Variants in TUBGCP2 observed in about 807,000 individuals in gnomAD.
TUBGCP2 encodes gamma-tubulin complex component 2.
In TUBGCP2, 55 loss-of-function variants were observed where a neutral mutation model predicts 92.2. The observed-to-expected ratio is 0.60, with a 90% CI of 0.48 to 0.75. The LOEUF (loss-of-function observed/expected upper bound fraction) is 0.75. Ranked by LOEUF, TUBGCP2 falls within the 30% of genes least tolerant of loss-of-function variation. The pLI, the probability that TUBGCP2 is intolerant of heterozygous loss-of-function variation, is 0.00. For synonymous variants in TUBGCP2, 533 were observed against 505.2 expected, an observed-to-expected ratio of 1.06 and a Z score of -0.74; for missense variants, 1,093 against 1,188.9, an observed-to-expected ratio of 0.92 and a Z score of 1.19.
chr10:133,312,165 A>G, upstream of TUBGCP2: 2 of 1,419,332 alleles, frequency 1.4e-6, no homozygotes, highest in Non-Finnish European at 1.8e-6. Flanking sequence ...TAATAGCATC[A>G]CCTGTGCCGT....
In TUBGCP2 at chr10:133,288,939, TCTTTTAA is replaced by T; in HGVS notation, c.1435_1441del (p.Leu479SerfsTer23). The T allele has an allele frequency of 1.9e-6, 3 of 1,614,224 alleles. No individual in the cohort carries two copies. Among genetic ancestry groups the T allele is most frequent in the Non-Finnish European group, 2.5e-6 (3 of 1,180,026 alleles). The stretch of plus-strand genomic sequence containing the variant: ...CTCGATCTGCTCCACATACGCCCGC[TCTTTTAA>T]CGTGTAGATGATCTCTTTAGCCACC... On this transcript the variant is annotated frameshift_variant, in exon 10 of 18. Transcript: ENST00000252936. LOFTEE classifies it high-confidence loss of function.
intron 6 of TUBGCP2, 83 bp from the exon 7 acceptor site, chr10:133,293,321 C>A: frequency 6.6e-7 from 1 of 1,512,732 alleles, no homozygotes. Context: ...TCATCCCAAA[C>A]AGGAAGCAAA....
In TUBGCP2 at chr10:133,279,336, G is replaced by C. The variant is rs573984018; in HGVS notation, c.*430C>G. On this transcript the variant is annotated 3_prime_UTR_variant, in exon 18 of 18. Transcript: ENST00000252936. ...AAGCAAACCCGACACCCGATGCCCG[G>C]TGGGTTTCCACAACTCCCTGACCGT... 77 of 170,008 alleles carry C rather than the reference G, an allele frequency of 4.5e-4. 1 individual carries two copies. The South Asian group carries it at 5.4e-3, about 12-fold the overall frequency. 10.5% of individuals were successfully genotyped at this position (170,008 alleles called of 1,614,324 possible).
At chr10:133,308,646 C>T (rs1054277413) in intron 1 of TUBGCP2, 177 bp downstream of exon 1, 3 of 211,082 alleles carry the variant, frequency 1.4e-5, no homozygotes, top group African/African-American at 6.9e-5. Context: ...AGACGCTGGC[C>T]TGGCCGGTGC....
intron 1 of TUBGCP2, among the ~76,000 whole-genome samples, chr10:133,307,359 C>G (rs966306365): frequency 2.0e-5 from 3 of 152,246 alleles, no homozygotes; most frequent in Admixed American, 6.5e-5. Flanking sequence ...GCACACACTC[C>G]TAGTGAGCAC....
chr10:133,309,521 G>T, upstream of TUBGCP2: 1 of 1,550,940 alleles, frequency 6.4e-7, no homozygotes, highest in Non-Finnish European at 8.8e-7. Context: ...CCTGACCGGT[G>T]CCTGGTCCCT....
At chr10:133,283,689 CATT>C (rs1355456548) in intron 14 of TUBGCP2, among the ~76,000 whole-genome samples, 190 bp downstream of exon 14, 16 of 6,430 alleles carry the variant, frequency 2.5e-3, no homozygotes, top group Admixed American at 0.012. Context: ...GCCTCTCCCG[CATT>C]CCCTGCCTCT....
At chr10:133,309,191 A>G (rs554030543), upstream of TUBGCP2, 3 of 1,357,286 alleles carry the variant, frequency 2.2e-6, no homozygotes, top group Admixed American at 3.2e-5. Flanking sequence ...GGGGCCTACG[A>G]CTGCGGGGCG....
In TUBGCP2 at chr10:133,283,228, G is replaced by A. The variant is rs752657891; in HGVS notation, c.2146-7C>T. The A allele has an allele frequency of 7.4e-6, 12 of 1,614,172 alleles. No homozygotes were observed. Among genetic ancestry groups the A allele is most frequent in the East Asian group, 2.2e-5 (1 of 44,884 alleles). On this transcript the variant is annotated splice_region_variant and splice_polypyrimidine_tract_variant and intron_variant, in intron 14 of 17. Transcript: ENST00000252936. The stretch of plus-strand genomic sequence containing the variant: ...CGTCGTCAATGTTGGAGGCCTGCGG[G>A]GAACAGGCCAAGCCCCTTCTCAGAA...
At chr10:133,304,697 G>C (rs564558042) in intron 1 of TUBGCP2, among the ~76,000 whole-genome samples, 68 of 152,316 alleles carry the variant, frequency 4.5e-4, no homozygotes, top group African/African-American at 1.5e-3. Context: ...CTAGATCATA[G>C]ATATGATTAT....
Position 133,279,598 on chromosome 10 carries a change from A to G in TUBGCP2, c.*168T>C. 3 of 1,107,210 alleles carry G rather than the reference A, an allele frequency of 2.7e-6. No homozygotes were observed. The highest frequency in any genetic ancestry group is 3.6e-6 in the Non-Finnish European group (3 of 827,374). The allele number at this position is 1,107,210 out of a possible 1,614,324, so 68.6% of individuals were successfully genotyped here. A position where few individuals can be genotyped will look rare whatever the true frequency, so the allele number is the denominator to read the frequency against. On this transcript the variant is annotated 3_prime_UTR_variant, in exon 18 of 18. Coordinates refer to ENST00000252936, the MANE Select transcript of TUBGCP2 (RefSeq NM_006659.4). ...CATCCACCCTGCCTGGGCAGCTTCT[A>G]TAAAACGAAACCCAGCGCCTTGAGA...
At chr10:133,288,552 A>G (rs936566599) in intron 10 of TUBGCP2, among the ~76,000 whole-genome samples, 2 of 152,336 alleles carry the variant, frequency 1.3e-5, no homozygotes, top group African/African-American at 4.8e-5. Flanking sequence ...CTTGGCTCTC[A>G]GGCAGGGGCT....
chr10:133,306,929 T>G (rs1325767152), intron 1 of TUBGCP2, among the ~76,000 whole-genome samples: 1 of 152,156 alleles, frequency 6.6e-6, no homozygotes, highest in Non-Finnish European at 1.5e-5. Context: ...GGACCGGGCC[T>G]CCAAGAGGGC....
rs2136111459 is a variant in TUBGCP2 at position 133,285,010 on chromosome 10, GGGGCGCTGCA to G, written c.2024+65_2024+74del. The G allele has an allele frequency of 6.6e-7, 1 of 1,516,426 alleles. No individual in the cohort carries two copies. The highest frequency in any genetic ancestry group is 1.3e-5 in the South Asian group (1 of 77,346). 93.9% of individuals were successfully genotyped at this position (1,516,426 alleles called of 1,614,324 possible). A position where few individuals can be genotyped will look rare whatever the true frequency, so the allele number is the denominator to read the frequency against. ...AGCTGTCTACCAGGAGGGCACAAGG[GGGGCGCTGCA>G]CCACTGGGCAGAGTGCAGCGAGCGC... On this transcript the variant is annotated intron_variant, in intron 13 of 17. Transcript: ENST00000252936. The surrounding 1 kb of genome is among the most constrained non-coding windows in gnomAD (Gnocchi z 6.8).
At chr10:133,283,764 TTCCCTGCCTCTCCTGCAC>T (rs1564934774) in intron 14 of TUBGCP2, 100 bp downstream of exon 14, 65 of 1,347,302 alleles carry the variant, frequency 4.8e-5, no homozygotes, top group East Asian at 7.4e-5. Context: ...TCTCCCTGCA[TTCCCTGCCTCTCCTGCAC>T]TCCCTGCCTC....
rs936919922 is a variant in TUBGCP2, at chr10:133,302,970, A to T, written c.-29T>A. The T allele has an allele frequency of 2.5e-6, 4 of 1,613,406 alleles. No homozygotes were observed. The African/African-American group carries it at 5.3e-5, about 22-fold the overall frequency. ...TTTAGCTCTGAGGCACGAACATCACAATATGTTCTCCTATAGGTAAGAAGA... is the reference window on the plus strand; with the variant it reads ...TTTAGCTCTGAGGCACGAACATCACTATATGTTCTCCTATAGGTAAGAAGA... On this transcript the variant is annotated 5_prime_UTR_variant, in exon 2 of 18. Transcript: ENST00000252936.
At position 133,306,924 on chromosome 10, in the gene TUBGCP2, G is replaced by A. The variant is rs1034142896; in HGVS notation, c.-40+1899C>T. On this transcript the variant is annotated intron_variant, in intron 1 of 17. Coordinates refer to ENST00000252936, the MANE Select transcript of TUBGCP2 (RefSeq NM_006659.4). ...GCTGCTCTCCCTGAATGTGGGGACC[G>A]GGCCTCCAAGAGGGCAGCCCGTACT... 5.3e-5 allele frequency among the ~76,000 whole-genome samples: 8 copies of A among 152,164 alleles called. No individual in the cohort carries two copies. The East Asian group carries it at 1.5e-3, about 29-fold the overall frequency.
intron 1 of TUBGCP2, among the ~76,000 whole-genome samples, chr10:133,304,572 C>G (rs751982303): frequency 6.6e-6 from 1 of 152,178 alleles, no homozygotes; most frequent in Non-Finnish European, 1.5e-5. Context: ...CAAGGATGAG[C>G]TCAACAAAAC....
intron 2 of TUBGCP2, among the ~76,000 whole-genome samples, chr10:133,301,272 C>T (rs538762102): frequency 2.6e-5 from 4 of 152,234 alleles, no homozygotes; most frequent in Non-Finnish European, 5.9e-5. Flanking sequence ...GCATTACTGG[C>T]ACGCACCACC....
Sources: allele counts gnomAD v4.1 joint callset (sites outside exome capture counted in the v4.1 genomes callset), GRCh38; gene constraint gnomAD v4.1.1; non-coding constraint Gnocchi (gnomAD v3.1); transcripts MANE v1.5; gene names NCBI Gene and HGNC (gene_info 2026-07-23, HGNC 2026-07-21).